OTUD7A: variants seen among roughly 807,000 people sequenced by gnomAD.
OTUD7A encodes the protein OTU deubiquitinase 7A.
OTUD7A carries 12 observed loss-of-function variants against 65.7 expected under a neutral mutation model. That is an observed-to-expected ratio of 0.18 (90% CI 0.12 to 0.30). The LOEUF is 0.30. Among genes scored for constraint, OTUD7A ranks in the 10% least tolerant of loss-of-function variants. The pLI is 1.00. For synonymous variants in OTUD7A, 641 were observed against 586.3 expected, an observed-to-expected ratio of 1.09 and a Z score of -1.35; for missense variants, 1,148 against 1,304.8, an observed-to-expected ratio of 0.88 and a Z score of 1.85.
At chr15:31,832,812 T>C (rs1166412663) in intron 1 of OTUD7A, among the ~76,000 whole-genome samples, 8 of 152,236 alleles carry the variant, frequency 5.3e-5, no homozygotes, top group Non-Finnish European at 1.2e-4. Context: ...TATTCCATTG[T>C]ATGAATATGC....
chr15:31,616,953 C>T (rs1190452172), intron 3 of OTUD7A, among the ~76,000 whole-genome samples: 1 of 152,172 alleles, frequency 6.6e-6, no homozygotes, highest in Non-Finnish European at 1.5e-5. Context: ...AGTTTGCCAA[C>T]CCCTGATCTG....
At chr15:31,776,786 A>C (rs1305070872) in intron 1 of OTUD7A, among the ~76,000 whole-genome samples, 1 of 152,112 alleles carries the variant, frequency 6.6e-6, no homozygotes, top group Non-Finnish European at 1.5e-5. Flanking sequence ...TTTGTCCCTG[A>C]AAGTGGGCAT....
chr15:31,830,069 T>C (rs1435078651), intron 1 of OTUD7A, among the ~76,000 whole-genome samples: 1 of 152,176 alleles, frequency 6.6e-6, no homozygotes, highest in Admixed American at 6.6e-5. Flanking sequence ...GGCTGTACAG[T>C]CTCATCACCA....
rs540452634 is a variant in OTUD7A, at chr15:31,571,989, C to G, written c.152-1792G>C. On this transcript the variant is annotated intron_variant, in intron 3 of 12. Coordinates refer to ENST00000307050, the MANE Select transcript of OTUD7A (RefSeq NM_001382637.1). ...CTGCCCTTAAAACACATGGATTCCCCTAATTTTTCTTCTTGCTCTTCTTTT... is the reference window on the plus strand; with the variant it reads ...CTGCCCTTAAAACACATGGATTCCCGTAATTTTTCTTCTTGCTCTTCTTTT... 4.6e-5 allele frequency among the ~76,000 whole-genome samples: 7 copies of G among 152,262 alleles called. No homozygotes were observed. In the South Asian group the frequency reaches 1.4e-3, roughly 32 times the overall value.
intron 1 of OTUD7A, among the ~76,000 whole-genome samples, chr15:31,808,137 A>ACACACACAC (rs1555420102): frequency 4.7e-4 from 43 of 91,564 alleles, no homozygotes; most frequent in African/African-American, 1.6e-3. Flanking sequence ...ACACACACAC[A>ACACACACAC]AACAAATCCT....
At chr15:31,677,406 C>A in intron 1 of OTUD7A, among the ~76,000 whole-genome samples, 1 of 152,094 alleles carries the variant, frequency 6.6e-6, no homozygotes, top group East Asian at 1.9e-4. Flanking sequence ...AGTGAAGGTC[C>A]ATCCAATATG....
chr15:31,794,219 A>G (rs1895891481), intron 1 of OTUD7A, among the ~76,000 whole-genome samples: 1 of 152,168 alleles, frequency 6.6e-6, no homozygotes, highest in Non-Finnish European at 1.5e-5. Flanking sequence ...AGTCACACAA[A>G]TATCTGTCTC....
intron 8 of OTUD7A, among the ~76,000 whole-genome samples, chr15:31,507,641 C>CG (rs986075335): frequency 1.7e-3 from 21 of 12,198 alleles, no homozygotes; most frequent in Admixed American, 0.011. Context: ...GGCTGGGGGG[C>CG]GGGGGTGGCA....
intron 5 of OTUD7A, among the ~76,000 whole-genome samples, chr15:31,535,971 C>T (rs570351073): frequency 2.4e-4 from 36 of 152,238 alleles, no homozygotes; most frequent in Admixed American, 3.9e-4. Context: ...TGAGCCACCG[C>T]GCCTGGCCGG....
chr15:31,540,887 T>A (rs1194174352), intron 5 of OTUD7A, among the ~76,000 whole-genome samples: 1 of 152,110 alleles, frequency 6.6e-6, no homozygotes, highest in African/African-American at 2.4e-5. Context: ...GCACACAGAG[T>A]GCCTGGTGCT....
chr15:31,577,738 A>G (rs745855872), intron 3 of OTUD7A, among the ~76,000 whole-genome samples: 2 of 151,868 alleles, frequency 1.3e-5, no homozygotes, highest in African/African-American at 2.4e-5. Context: ...TGGTTTTTCC[A>G]TCAACAATAC....
intron 1 of OTUD7A, among the ~76,000 whole-genome samples, chr15:31,862,990 G>A (rs1897783964): frequency 6.6e-6 from 1 of 152,198 alleles, no homozygotes; most frequent in South Asian, 2.1e-4. Context: ...ATTCCAAATG[G>A]GAGAAATTGG....
chr15:31,608,125 T>C (rs1433717677), intron 3 of OTUD7A, among the ~76,000 whole-genome samples: 1 of 152,156 alleles, frequency 6.6e-6, no homozygotes, highest in Non-Finnish European at 1.5e-5. Flanking sequence ...CACATGCCTG[T>C]AGTCCCAGCT....
intron 1 of OTUD7A, among the ~76,000 whole-genome samples, chr15:31,817,228 T>C (rs1422392207): frequency 2.0e-5 from 3 of 151,718 alleles, no homozygotes; most frequent in Non-Finnish European, 4.4e-5. Context: ...AAGTCAGTTA[T>C]TCACATCCAG....
chr15:31,549,444 G>T (rs1324497371), intron 5 of OTUD7A, among the ~76,000 whole-genome samples: 1 of 152,184 alleles, frequency 6.6e-6, no homozygotes, highest in African/African-American at 2.4e-5. Context: ...GGTGTAGGTG[G>T]AACCTGTGAC....
chr15:31,740,210 C>T (rs909251378), intron 1 of OTUD7A, among the ~76,000 whole-genome samples: 1 of 151,992 alleles, frequency 6.6e-6, no homozygotes, highest in African/African-American at 2.4e-5. Flanking sequence ...GGCAACAGCC[C>T]CAGAGGCTGG....
intron 1 of OTUD7A, among the ~76,000 whole-genome samples, chr15:31,692,928 A>T (rs1343664460): frequency 6.6e-6 from 1 of 150,416 alleles, no homozygotes; most frequent in African/African-American, 2.5e-5. Context: ...ACACACTTGC[A>T]CTGGGACAGA....
chr15:31,761,256 G>A (rs1254086862), intron 1 of OTUD7A, among the ~76,000 whole-genome samples: 1 of 152,128 alleles, frequency 6.6e-6, no homozygotes, highest in Non-Finnish European at 1.5e-5. Flanking sequence ...GCAACCTACA[G>A]AATGGGAGAA....
At position 31,483,328 on chromosome 15, in the gene OTUD7A, C is replaced by A. The variant is rs1215715986; in HGVS notation, c.2768G>T (p.Arg923Leu). 3.3e-6 allele frequency: 4 copies of A among 1,220,396 alleles called. No individual in the cohort carries two copies. Among genetic ancestry groups the A allele is most frequent in the Non-Finnish European group, 4.1e-6 (4 of 976,264 alleles). 75.6% of individuals were successfully genotyped at this position (1,220,396 alleles called of 1,614,324 possible). A position where few individuals can be genotyped will look rare whatever the true frequency, so the allele number is the denominator to read the frequency against. ...YCSYCYREEL[R>L]RRREARGARP ...GGCCCCGCGCGCCTCGCGCCGCCGC[C>A]GCAGCTCCTCGCGGTAGCAGTAGGA... Residue 923 changes from arginine to leucine, a missense_variant, in exon 13 of 13, where the codon CGG (arginine) becomes CTG (leucine). Arg to Leu is a moderately radical substitution (Grantham distance 102, BLOSUM62 -2). Around this residue, in one of 6 missense-constraint regions of OTUD7A, gnomAD observed 842 missense variants for 769.5 expected, o/e 1.09. Coordinates refer to ENST00000307050, the MANE Select transcript of OTUD7A (RefSeq NM_001382637.1).
Sources: allele counts gnomAD v4.1 joint callset (sites outside exome capture counted in the v4.1 genomes callset), GRCh38; gene constraint gnomAD v4.1.1; regional missense constraint gnomAD v4.1.1; transcripts MANE v1.5; gene names NCBI Gene and HGNC (gene_info 2026-07-23, HGNC 2026-07-21).